Variants in SAMD12 observed in about 807,000 individuals in gnomAD.
SAMD12 encodes sterile alpha motif domain containing 12, also known as sterile alpha motif domain-containing protein 12.
A neutral mutation model predicts 15.0 loss-of-function variants in SAMD12; 9 were observed. The ratio of observed to expected loss-of-function variants is 0.60; its 90% CI spans 0.36 to 1.05. The LOEUF is 1.05. Among genes scored for constraint, SAMD12 ranks in the 50% least tolerant of loss-of-function variants. The pLI, the probability that SAMD12 is intolerant of heterozygous loss-of-function variation, is 0.01. For missense variants in SAMD12, 230 were observed against 234.2 expected (o/e 0.98, Z 0.12); for synonymous variants, 86 against 90.1 (o/e 0.96, Z 0.25).
chr8:118,422,962 C>CT (rs1054507872), intron 3 of SAMD12, among the ~76,000 whole-genome samples: 2 of 152,046 alleles, frequency 1.3e-5, no homozygotes, highest in African/African-American at 4.8e-5. Flanking sequence ...AAGGGAACAT[C>CT]TTTTTTTCCT....
chr8:118,152,639 C>T, the SAMD12 span, among the ~76,000 whole-genome samples: 2 of 152,238 alleles, frequency 1.3e-5, no homozygotes, highest in Admixed American at 6.5e-5. Flanking sequence ...GCTGGGACTA[C>T]AGGCGTGCAC....
chr8:118,231,524 C>T (rs146765918), intron 4 of SAMD12, among the ~76,000 whole-genome samples: 127 of 152,272 alleles, frequency 8.3e-4, no homozygotes, highest in African/African-American at 2.8e-3. Flanking sequence ...ATTTTTACTG[C>T]CTGTCTGACC....
chr8:118,275,965 G>A, intron 4 of SAMD12, among the ~76,000 whole-genome samples: 1 of 152,160 alleles, frequency 6.6e-6, no homozygotes, highest in East Asian at 1.9e-4. Flanking sequence ...CCATTGATGG[G>A]CACCTATGTT....
intron 4 of SAMD12, among the ~76,000 whole-genome samples, chr8:118,369,706 ACT>A (rs1380918773): frequency 1.3e-5 from 2 of 151,942 alleles, no homozygotes; most frequent in African/African-American, 4.8e-5. Flanking sequence ...CAAGAGTAAA[ACT>A]CTGTCTCAAA....
In SAMD12 at chr8:118,602,192, G is replaced by C. The variant is rs191200899; in HGVS notation, c.13+19612C>G. Among the ~76,000 whole-genome samples, 478 of 152,304 alleles carry C rather than the reference G, an allele frequency of 3.1e-3. 3 individuals carry two copies. The highest frequency in any genetic ancestry group is 0.011 in the African/African-American group (460 of 41,558). Reference sequence around the variant, plus strand: ...CCATACACAGGAAACCTCTCTTTCAGGGCTGAAGGTATTTCGGTTTGCACA... The same window carrying C: ...CCATACACAGGAAACCTCTCTTTCACGGCTGAAGGTATTTCGGTTTGCACA... On this transcript the variant is annotated intron_variant, in intron 1 of 3. Transcript: ENST00000314727.
the SAMD12 span, among the ~76,000 whole-genome samples, chr8:118,163,040 A>G: frequency 6.6e-6 from 1 of 152,240 alleles, no homozygotes; most frequent in South Asian, 2.1e-4. Flanking sequence ...TTGAATAAAC[A>G]GAGGCACATA....
At chr8:118,507,985 A>G (rs116637971) in intron 2 of SAMD12, among the ~76,000 whole-genome samples, 1,895 of 131,038 alleles carry the variant, frequency 0.014, 56 homozygotes, top group African/African-American at 0.053. Context: ...TAGATAGTAT[A>G]ATCTCCTTTT....
chr8:118,366,894 TAA>T (rs1320466182), intron 4 of SAMD12, among the ~76,000 whole-genome samples: 2,084 of 89,124 alleles, frequency 0.023, 42 homozygotes, highest in East Asian at 0.034. Context: ...TAAAATAAAA[TAA>T]AATAAAATAA....
chr8:118,354,040 G>A (rs1586587018), intron 4 of SAMD12, among the ~76,000 whole-genome samples: 2 of 152,290 alleles, frequency 1.3e-5, no homozygotes, highest in South Asian at 4.1e-4. Context: ...TGCCACTTAG[G>A]CCTCTGCCTT....
At chr8:118,259,219 A>G (rs896612278) in intron 4 of SAMD12, among the ~76,000 whole-genome samples, 7 of 152,140 alleles carry the variant, frequency 4.6e-5, no homozygotes, top group Admixed American at 6.6e-5. Context: ...TAGCTTAACA[A>G]TCCAGGAGCC....
intron 1 of SAMD12, among the ~76,000 whole-genome samples, chr8:118,592,502 T>C (rs2131281977): frequency 6.6e-6 from 1 of 152,250 alleles, no homozygotes; most frequent in South Asian, 2.1e-4. Context: ...TTTAGGTTAG[T>C]GTTGTTTTAC....
the SAMD12 span, among the ~76,000 whole-genome samples, chr8:118,165,602 A>ATATG: frequency 1.2e-5 from 1 of 82,384 alleles, no homozygotes; most frequent in East Asian, 2.7e-4. Flanking sequence ...ATACATATAT[A>ATATG]CATATATATA....
chr8:118,421,298 T>C (rs993120430), intron 3 of SAMD12, among the ~76,000 whole-genome samples: 4 of 152,246 alleles, frequency 2.6e-5, no homozygotes, highest in African/African-American at 9.6e-5. Context: ...TTAAATAAAA[T>C]GCATTATTCT....
chr8:118,209,925 C>T (rs1227543573), intron 4 of SAMD12, among the ~76,000 whole-genome samples: 4 of 152,274 alleles, frequency 2.6e-5, no homozygotes, highest in Admixed American at 1.3e-4. Context: ...TACCTTTCAG[C>T]CCAACCTCCT....
intron 4 of SAMD12, among the ~76,000 whole-genome samples, chr8:118,238,663 G>A (rs1026309612): frequency 2.6e-5 from 4 of 151,804 alleles, no homozygotes; most frequent in Non-Finnish European, 5.9e-5. Flanking sequence ...CATCTACCAT[G>A]GAAAGGACAC....
chr8:118,409,904 G>A (rs1370271443), intron 3 of SAMD12, among the ~76,000 whole-genome samples: 1 of 152,008 alleles, frequency 6.6e-6, no homozygotes, highest in Non-Finnish European at 1.5e-5. Flanking sequence ...GATGGCCTCT[G>A]CATTCAAAAT....
At chr8:118,588,349 T>C (rs181012945) in intron 1 of SAMD12, among the ~76,000 whole-genome samples, 15 of 152,318 alleles carry the variant, frequency 9.8e-5, no homozygotes, top group African/African-American at 3.4e-4. Flanking sequence ...GCCCAGCAGA[T>C]ATCTTCTAGG....
At chr8:118,250,142 A>G (rs1444396086) in intron 4 of SAMD12, among the ~76,000 whole-genome samples, 1 of 152,098 alleles carries the variant, frequency 6.6e-6, no homozygotes, top group Non-Finnish European at 1.5e-5. Flanking sequence ...CTGCGTGGGT[A>G]GGCAGAGCCA....
chr8:118,452,827 A>G (rs1440509469), intron 2 of SAMD12, among the ~76,000 whole-genome samples: 1 of 152,194 alleles, frequency 6.6e-6, no homozygotes, highest in Non-Finnish European at 1.5e-5. Context: ...ACATGGTCCT[A>G]ACTCAAACAT....
Sources: allele counts gnomAD v4.1 joint callset (sites outside exome capture counted in the v4.1 genomes callset), GRCh38; gene constraint gnomAD v4.1.1; transcripts MANE v1.5; gene names NCBI Gene and HGNC (gene_info 2026-07-23, HGNC 2026-07-21).